TTLL5: variants seen among roughly 807,000 people sequenced by gnomAD.
The protein encoded by TTLL5 is tubulin polyglutamylase TTLL5.
TTLL5 carries 132 observed loss-of-function variants against 168.4 expected under a neutral mutation model. That is an observed-to-expected ratio of 0.78 (90% CI 0.68 to 0.91). The LOEUF is 0.91. TTLL5 is among the 40% of genes least tolerant of loss of function. The pLI is 0.00. For synonymous variants in TTLL5, 546 were observed against 558.6 expected (o/e 0.98, Z 0.32); for missense variants, 1,545 against 1,581.5 (o/e 0.98, Z 0.39).
At chr14:75,820,747 A>C (rs1453723612) in intron 28 of TTLL5, 1 of 154,060 alleles carries the variant, frequency 6.5e-6, no homozygotes, top group Non-Finnish European at 1.5e-5. Flanking sequence ...TTCCAAATTA[A>C]AAAAGAAACC....
intron 9 of TTLL5, among the ~76,000 whole-genome samples, chr14:75,713,418 G>C (rs904777135): frequency 6.6e-6 from 1 of 152,196 alleles, no homozygotes; most frequent in Non-Finnish European, 1.5e-5. Flanking sequence ...ATCCAGGTTT[G>C]TGTAAATACG....
intron 30 of TTLL5, among the ~76,000 whole-genome samples, chr14:75,898,033 A>G (rs2032750217): frequency 6.6e-6 from 1 of 152,102 alleles, no homozygotes; most frequent in Non-Finnish European, 1.5e-5. Flanking sequence ...TCTTTTCAGT[A>G]TTTCTCACTG....
rs565110992 is a variant in TTLL5 at position 75,681,698 on chromosome 14, C to G, written c.264+71C>G. 16 of 1,341,806 alleles carry G rather than the reference C, an allele frequency of 1.2e-5. No individual in the cohort carries two copies. In the Admixed American group the frequency reaches 1.7e-4, roughly 14 times the overall value. The allele number at this position is 1,341,806 out of a possible 1,614,324, so 83.1% of individuals were successfully genotyped here. On this transcript the variant is annotated intron_variant, in intron 4 of 31. Transcript: ENST00000298832. The stretch of plus-strand genomic sequence containing the variant: ...AATCCCAGCCACCTAACTGACTTTA[C>G]CAGTTAACAGGGCCAGCTCCAGGAA...
At chr14:75,890,914 T>G (rs1005334826) in intron 30 of TTLL5, among the ~76,000 whole-genome samples, 1 of 151,986 alleles carries the variant, frequency 6.6e-6, no homozygotes, top group African/African-American at 2.4e-5. Context: ...AGAGACGGGG[T>G]TTCACCGTGT....
At chr14:75,768,169 C>T (rs1289828315) in intron 20 of TTLL5, among the ~76,000 whole-genome samples, 5 of 152,104 alleles carry the variant, frequency 3.3e-5, no homozygotes, top group African/African-American at 1.2e-4. Flanking sequence ...GAATTGAGCC[C>T]TGGGGAATAC....
At chr14:75,703,443 C>T (rs1229792899) in intron 7 of TTLL5, among the ~76,000 whole-genome samples, 2 of 152,162 alleles carry the variant, frequency 1.3e-5, no homozygotes, top group Non-Finnish European at 2.9e-5. Flanking sequence ...GGTTGGCTAA[C>T]GTGGTCTCAT....
intron 15 of TTLL5, among the ~76,000 whole-genome samples, chr14:75,735,941 G>A (rs979319124): frequency 5.3e-5 from 8 of 151,086 alleles, no homozygotes; most frequent in African/African-American, 1.9e-4. Flanking sequence ...TTGTTTCTTG[G>A]CCTTTAACAT....
intron 29 of TTLL5, among the ~76,000 whole-genome samples, chr14:75,868,421 CTG>C (rs1054655094): frequency 6.6e-5 from 10 of 152,160 alleles, no homozygotes; most frequent in African/African-American, 1.2e-4. Flanking sequence ...TAGGAGAAAA[CTG>C]TGCGTCCTAA....
intron 9 of TTLL5, chr14:75,709,346 A>C (rs1412486182): frequency 3.2e-6 from 2 of 624,428 alleles, no homozygotes; most frequent in East Asian, 5.5e-5. Flanking sequence ...ACTTGAAATC[A>C]GTGAGAGCAG....
intron 28 of TTLL5, among the ~76,000 whole-genome samples, chr14:75,860,452 T>C (rs1286000612): frequency 1.3e-5 from 2 of 152,192 alleles, no homozygotes; most frequent in Non-Finnish European, 2.9e-5. Flanking sequence ...TACTGTAAAA[T>C]CTAATCACTG....
chr14:75,706,875 T>C (rs1265626633), intron 7 of TTLL5, 143 bp from the exon 8 acceptor site: 1 of 591,750 alleles, frequency 1.7e-6, no homozygotes, highest in Non-Finnish European at 3.0e-6. Flanking sequence ...CAACTGAATA[T>C]ATGGGTACCT....
intron 12 of TTLL5, among the ~76,000 whole-genome samples, chr14:75,725,232 G>T (rs1888119941): frequency 6.6e-6 from 1 of 152,216 alleles, no homozygotes; most frequent in African/African-American, 2.4e-5. Context: ...ATAAATAATT[G>T]TTGGAGGAAT....
intron 18 of TTLL5, among the ~76,000 whole-genome samples, chr14:75,756,862 A>C (rs1488020002): frequency 1.3e-5 from 2 of 152,222 alleles, no homozygotes; most frequent in Non-Finnish European, 2.9e-5. Flanking sequence ...TTTTAAAAGA[A>C]AAACAAAAGC....
chr14:75,696,801 G>A (rs554893866), intron 6 of TTLL5, among the ~76,000 whole-genome samples: 1 of 152,268 alleles, frequency 6.6e-6, no homozygotes, highest in Non-Finnish European at 1.5e-5. Context: ...AATAACGTGT[G>A]TATATGAACA....
At chr14:75,773,956 AAAGAG>A (rs1891534499) in intron 21 of TTLL5, among the ~76,000 whole-genome samples, 19 of 48,842 alleles carry the variant, frequency 3.9e-4, no homozygotes, top group African/African-American at 1.2e-3. Flanking sequence ...AGAGAGAGAG[AAAGAG>A]AGAGAGAGAG....
At chr14:75,926,800 C>T (rs2034086830) in intron 31 of TTLL5, among the ~76,000 whole-genome samples, 1 of 152,132 alleles carries the variant, frequency 6.6e-6, no homozygotes, top group Middle Eastern at 3.2e-3. Context: ...CCTTACAGTT[C>T]CACTCCTAAA....
At chr14:75,868,554 G>C (rs1403262741) in intron 29 of TTLL5, among the ~76,000 whole-genome samples, 1 of 152,148 alleles carries the variant, frequency 6.6e-6, no homozygotes, top group Non-Finnish European at 1.5e-5. Flanking sequence ...TAACAGGCAG[G>C]ACTGGCAGCA....
rs191533951 is a variant in TTLL5, at chr14:75,732,059, T to A, written c.1043-279T>A. The A allele has an allele frequency of 8.9e-5, 21 of 237,186 alleles. No homozygotes were observed. The East Asian group carries it at 2.0e-3, about 22-fold the overall frequency. The allele number at this position is 237,186 out of a possible 1,614,324, so 14.7% of individuals were successfully genotyped here. ...GCAGAATCGTGCTTGTTAACTATTC[T>A]AGAGTCAGGTCGCTTTCTATGTAGG... On this transcript the variant is annotated intron_variant, in intron 12 of 31. Transcript: ENST00000298832.
chr14:75,895,296 C>G (rs151258530), intron 30 of TTLL5, among the ~76,000 whole-genome samples: 2 of 152,270 alleles, frequency 1.3e-5, no homozygotes, highest in Non-Finnish European at 2.9e-5. Context: ...CCCTGAAATT[C>G]ATTTTACAAC....
Sources: gnomAD v4.1 joint callset for allele counts (sites outside exome capture counted in the v4.1 genomes callset) on GRCh38, gnomAD v4.1.1 for gene constraint, MANE v1.5 for transcripts, NCBI Gene and HGNC (gene_info 2026-07-23, HGNC 2026-07-21) for gene names.